The following TANK variants were observed in gnomAD, a reference collection of about 807,000 sequenced individuals.
The protein encoded by TANK is TRAF family member-associated NF-kappa-B activator.
Under a neutral mutation model 43.6 loss-of-function variants are expected in TANK, and 15 were observed. That is an observed-to-expected ratio of 0.34 (90% confidence interval 0.23 to 0.53). The LOEUF (loss-of-function observed/expected upper bound fraction) is 0.53, where lower values mean the gene tolerates loss of function less well. Among genes scored for constraint, TANK ranks in the 20% least tolerant of loss-of-function variants. The pLI, the probability that TANK is intolerant of heterozygous loss-of-function variation, is 0.94. For synonymous variants in TANK, 162 were observed against 178.2 expected (o/e 0.91, Z 0.73); for missense variants, 417 against 498.6 (o/e 0.84, Z 1.56).
chr2:161,170,754 T>A (rs749542645), intron 1 of TANK, among the ~76,000 whole-genome samples: 1 of 152,164 alleles, frequency 6.6e-6, no homozygotes, highest in Non-Finnish European at 1.5e-5. Flanking sequence ...AGATTCTGAA[T>A]TGGGAGAAAT....
At chr2:161,216,197 G>A (rs928089731) in intron 4 of TANK, among the ~76,000 whole-genome samples, 7 of 152,104 alleles carry the variant, frequency 4.6e-5, no homozygotes, top group Admixed American at 1.3e-4. Context: ...ATTAAAGACA[G>A]CATGTTTCCC....
At chr2:161,199,395 T>G (rs966842257) in intron 2 of TANK, among the ~76,000 whole-genome samples, 1 of 152,152 alleles carries the variant, frequency 6.6e-6, no homozygotes, top group Non-Finnish European at 1.5e-5. Flanking sequence ...TTAAGGGCAC[T>G]TAAACTTTTT....
chr2:161,184,406 C>T (rs890559341), intron 2 of TANK, among the ~76,000 whole-genome samples: 1 of 151,994 alleles, frequency 6.6e-6, no homozygotes, highest in Non-Finnish European at 1.5e-5. Context: ...TCCAGTTGCA[C>T]TTTATGCACT....
intron 4 of TANK, chr2:161,205,007 G>A (rs891094160): frequency 1.6e-6 from 2 of 1,285,494 alleles, no homozygotes; most frequent in Non-Finnish European, 2.0e-6. Flanking sequence ...TACATCACAA[G>A]CATTTCAACA....
intron 2 of TANK, among the ~76,000 whole-genome samples, chr2:161,190,972 C>G (rs1029398329): frequency 5.9e-5 from 9 of 152,068 alleles, no homozygotes; most frequent in Admixed American, 2.6e-4. Context: ...ATTGGTCTAG[C>G]CTAGATAATC....
At chr2:161,210,621 C>T (rs556791396) in intron 4 of TANK, among the ~76,000 whole-genome samples, 5 of 151,256 alleles carry the variant, frequency 3.3e-5, no homozygotes, top group Middle Eastern at 3.4e-3. Flanking sequence ...TGCTTGAACC[C>T]GGGAGGCGGA....
chr2:161,156,574 T>C (rs1312991809), upstream of TANK, among the ~76,000 whole-genome samples: 1 of 152,258 alleles, frequency 6.6e-6, no homozygotes, highest in East Asian at 1.9e-4. Flanking sequence ...TGCTTTCTCT[T>C]GAATTACTCG....
At chr2:161,184,747 A>G (rs1574000505) in intron 2 of TANK, among the ~76,000 whole-genome samples, 1 of 152,266 alleles carries the variant, frequency 6.6e-6, no homozygotes, top group East Asian at 1.9e-4. Flanking sequence ...CCAAGGATGG[A>G]TAAGAGGGTA....
intron 1 of TANK, among the ~76,000 whole-genome samples, chr2:161,171,521 G>A (rs1684937522): frequency 6.6e-6 from 1 of 152,200 alleles, no homozygotes; most frequent in African/African-American, 2.4e-5. Flanking sequence ...TGTGCCAGTG[G>A]TTAAGAGCAC....
At chr2:161,145,375 A>G (rs1683880552) in intron 1 of TANK, among the ~76,000 whole-genome samples, 1 of 151,706 alleles carries the variant, frequency 6.6e-6, no homozygotes, top group Non-Finnish European at 1.5e-5. Flanking sequence ...TCGTGATGCT[A>G]TCTGGTTATT....
intron 1 of TANK, among the ~76,000 whole-genome samples, chr2:161,170,685 G>A (rs1269373431): frequency 6.6e-6 from 1 of 152,112 alleles, no homozygotes; most frequent in African/African-American, 2.4e-5. Context: ...AACCACCGTG[G>A]ATGATTCTAA....
chr2:161,188,307 A>G (rs1685757919), intron 2 of TANK, among the ~76,000 whole-genome samples: 1 of 152,138 alleles, frequency 6.6e-6, no homozygotes, highest in Non-Finnish European at 1.5e-5. Context: ...TAGCTTGACT[A>G]AAAAAAGAGG....
chr2:161,201,411 GT>G (rs1217308459), intron 2 of TANK: 1 of 356,934 alleles, frequency 2.8e-6, no homozygotes, highest in Non-Finnish European at 3.9e-6. Flanking sequence ...AAAATATATG[GT>G]TTCTTCATTA....
intron 1 of TANK, among the ~76,000 whole-genome samples, chr2:161,140,919 C>A (rs1207608552): frequency 6.6e-6 from 1 of 152,040 alleles, no homozygotes; most frequent in Non-Finnish European, 1.5e-5. Flanking sequence ...CCTACCCCCA[C>A]CACTCACAGC....
In TANK at chr2:161,231,261, A is replaced by G. The variant is rs767692843; in HGVS notation, c.811A>G (p.Met271Val). The change falls in exon 7 of 8, where the codon ATG (methionine) becomes GTG (valine). Residue 271 changes from methionine to valine, a missense_variant. By Grantham distance (21) the Met-to-Val change is conservative. Transcript: ENST00000392749. The part of the protein sequence containing the change: ...SEAVCQEKFN[M>V]EFRDNPGNFV... The stretch of plus-strand genomic sequence containing the variant: ...GGCAGTGTGCCAAGAGAAATTTAAT[A>G]TGGAGTTCAGAGACAACCCAGGGAA... 1.2e-5 allele frequency: 20 copies of G among 1,614,054 alleles called. No individual in the cohort carries two copies. Among genetic ancestry groups the G allele is most frequent in the Non-Finnish European group, 1.6e-5 (19 of 1,180,016 alleles).
At chr2:161,196,752 A>T (rs1686170243) in intron 2 of TANK, among the ~76,000 whole-genome samples, 1 of 152,142 alleles carries the variant, frequency 6.6e-6, no homozygotes, top group Non-Finnish European at 1.5e-5. Context: ...GCTACTCAGG[A>T]GACTGAGGCA....
At chr2:161,145,952 G>A (rs1286172712) in intron 1 of TANK, among the ~76,000 whole-genome samples, 1 of 152,074 alleles carries the variant, frequency 6.6e-6, no homozygotes, top group Non-Finnish European at 1.5e-5. Context: ...GTCTTTTTCA[G>A]GTACTCCAAT....
intron 3 of TANK, 140 bp from the exon 4 acceptor site, chr2:161,204,535 A>G (rs960317567): frequency 1.8e-5 from 13 of 716,992 alleles, no homozygotes; most frequent in Non-Finnish European, 2.7e-5. Context: ...CAAAGTAACT[A>G]TTACCTAAAG....
intron 4 of TANK, among the ~76,000 whole-genome samples, chr2:161,221,495 G>A (rs915592814): frequency 6.6e-6 from 1 of 152,008 alleles, no homozygotes; most frequent in Admixed American, 6.6e-5. Flanking sequence ...TGAGTTTCTG[G>A]GAAAGTGTTG....
Sources: gnomAD v4.1 joint callset for allele counts (sites outside exome capture counted in the v4.1 genomes callset) on GRCh38, gnomAD v4.1.1 for gene constraint, MANE v1.5 for transcripts, NCBI Gene and HGNC (gene_info 2026-07-23, HGNC 2026-07-21) for gene names.